The following TRMT9B variants were observed in gnomAD, a reference collection of about 807,000 sequenced individuals.
The protein encoded by TRMT9B is probable tRNA methyltransferase 9B.
TRMT9B carries 16 observed loss-of-function variants against 11.5 expected under a neutral mutation model. The ratio of observed to expected loss-of-function variants is 1.39; its 90% confidence interval spans 0.94 to 2.11. TRMT9B has a LOEUF of 2.11. TRMT9B is among the 30% of genes most tolerant of loss of function. TRMT9B has a pLI of 0.00. For missense variants in TRMT9B, 941 were observed against 553.8 expected (o/e 1.70, Z -7.02); for synonymous variants, 274 against 192.4 (o/e 1.42, Z -3.51).
intron 2 of TRMT9B, among the ~76,000 whole-genome samples, chr8:12,999,064 G>A (rs1172017824): frequency 6.6e-6 from 1 of 152,060 alleles, no homozygotes; most frequent in South Asian, 2.1e-4. Context: ...ACTTTGGTAG[G>A]CCAAGGCAGG....
Position 13,026,046 on chromosome 8 carries a change from A to G in TRMT9B, c.*4002A>G, listed in dbSNP as rs1814648560. The G allele has an allele frequency of 6.0e-6, 1 of 167,070 alleles. No homozygotes were observed. 10.3% of individuals were successfully genotyped at this position (167,070 alleles called of 1,614,324 possible). A position where few individuals can be genotyped will look rare whatever the true frequency, so the allele number is the denominator to read the frequency against. On this transcript the variant is annotated 3_prime_UTR_variant, in exon 5 of 5. Coordinates refer to ENST00000524591, the MANE Select transcript of TRMT9B (RefSeq NM_020844.3). ...ATATACGAGTTTGGAGGAGAACAGAAGTTCTAACTCAGTACTTGAACTTGG... is the reference window on the plus strand; with the variant it reads ...ATATACGAGTTTGGAGGAGAACAGAGGTTCTAACTCAGTACTTGAACTTGG...
At chr8:13,007,734 G>C (rs538833725) in intron 3 of TRMT9B, 12 of 152,284 alleles carry the variant, frequency 7.9e-5, no homozygotes, top group Non-Finnish European at 1.0e-4. Flanking sequence ...CTTAAAATCA[G>C]TGGGGGAAAG....
chr8:12,986,808 C>A (rs1465943001), intron 1 of TRMT9B, among the ~76,000 whole-genome samples: 1 of 152,182 alleles, frequency 6.6e-6, no homozygotes, highest in Non-Finnish European at 1.5e-5. Flanking sequence ...GGTTCTTTCT[C>A]CTTAATATCC....
chr8:12,956,679 G>A (rs976237570), intron 1 of TRMT9B, among the ~76,000 whole-genome samples: 1 of 152,198 alleles, frequency 6.6e-6, no homozygotes, highest in African/African-American at 2.4e-5. Context: ...TTCATTAGAT[G>A]AATTATCTGT....
chr8:13,009,449 G>T (rs544722097), intron 3 of TRMT9B, among the ~76,000 whole-genome samples: 101 of 152,216 alleles, frequency 6.6e-4, no homozygotes, highest in Non-Finnish European at 1.1e-3. Context: ...GATACGGTTC[G>T]GCAACAAAGT....
intron 1 of TRMT9B, among the ~76,000 whole-genome samples, chr8:12,957,290 T>C (rs1016456499): frequency 6.6e-6 from 1 of 152,180 alleles, no homozygotes. Context: ...ACAGAGCTAG[T>C]GAAGTAGGTG....
rs538225514 is a variant in TRMT9B, at chr8:12,988,998, T to A, written c.-199-1836T>A. 2.0e-5 allele frequency among the ~76,000 whole-genome samples: 3 copies of A among 152,270 alleles called. No individual in the cohort carries two copies. The South Asian group carries it at 6.2e-4, about 32-fold the overall frequency. ...TGGGGTGAGAGCTCTTTTATCTGTA[T>A]CCCTAGTGCCTTACATCTGCCAGAG... On this transcript the variant is annotated intron_variant, in intron 1 of 4. Transcript: ENST00000524591.
intron 1 of TRMT9B, among the ~76,000 whole-genome samples, chr8:12,973,475 A>C (rs1803944219): frequency 6.6e-6 from 1 of 152,230 alleles, no homozygotes; most frequent in African/African-American, 2.4e-5. Context: ...TGGTAGAAGC[A>C]ATCTATGGCA....
intron 4 of TRMT9B, among the ~76,000 whole-genome samples, chr8:13,017,526 TA>T (rs1256320581): frequency 6.6e-6 from 1 of 152,198 alleles, no homozygotes; most frequent in African/African-American, 2.4e-5. Flanking sequence ...CTTCCCATTT[TA>T]GATACATTTA....
At position 12,945,956 on chromosome 8, in the gene TRMT9B, C is replaced by A. The variant is rs938218477; in HGVS notation, c.-210C>A. 1.3e-5 allele frequency: 2 copies of A among 152,158 alleles called. No homozygotes were observed. Among genetic ancestry groups the A allele is most frequent in the African/African-American group, 2.4e-5 (1 of 41,448 alleles). The allele number at this position is 152,158 out of a possible 1,614,324, so 9.4% of individuals were successfully genotyped here. A position where few individuals can be genotyped will look rare whatever the true frequency, so the allele number is the denominator to read the frequency against. On this transcript the variant is annotated 5_prime_UTR_variant, in exon 1 of 5. Coordinates refer to ENST00000524591, the MANE Select transcript of TRMT9B (RefSeq NM_020844.3). ...TGAGCTCTCCTAGCAACTCTGCAGT[C>A]TTCCTTCAAGGTATGTGTTGCAATT...
At chr8:12,989,074 A>G (rs1158217638) in intron 1 of TRMT9B, among the ~76,000 whole-genome samples, 2 of 151,658 alleles carry the variant, frequency 1.3e-5, no homozygotes, top group Admixed American at 6.6e-5. Context: ...AATTTAATAC[A>G]GAAATTTTTT....
At chr8:12,999,161 T>G (rs1808906857) in intron 2 of TRMT9B, among the ~76,000 whole-genome samples, 1 of 151,924 alleles carries the variant, frequency 6.6e-6, no homozygotes, top group African/African-American at 2.4e-5. Context: ...TAGCCAGGCA[T>G]GGTGGTACGT....
intron 1 of TRMT9B, among the ~76,000 whole-genome samples, chr8:12,959,118 G>A (rs575350647): frequency 1.3e-5 from 2 of 152,162 alleles, no homozygotes; most frequent in South Asian, 2.1e-4. Flanking sequence ...AATTCTTCAC[G>A]TGACCAAGAA....
chr8:13,008,768 G>C (rs371884888), intron 3 of TRMT9B, among the ~76,000 whole-genome samples: 6 of 152,104 alleles, frequency 3.9e-5, no homozygotes, highest in African/African-American at 1.2e-4. Flanking sequence ...TTGCTCTGTT[G>C]CCCAGGCTGG....
intron 3 of TRMT9B, among the ~76,000 whole-genome samples, chr8:13,009,963 C>CA (rs1001814106): frequency 2.6e-5 from 4 of 151,880 alleles, no homozygotes; most frequent in African/African-American, 4.8e-5. Context: ...CCCATCTCTA[C>CA]AAAAAATACA....
rs1800232388 is a variant in TRMT9B, at chr8:12,945,686, T to A, written c.-480T>A. ...GGTGTGTGTTTTATTCAGTATTGTG[T>A]AGTACAGAAAAGATCACACATGTAT... On this transcript the variant is annotated 5_prime_UTR_variant, in exon 1 of 5. Coordinates refer to ENST00000524591, the MANE Select transcript of TRMT9B (RefSeq NM_020844.3). The A allele has an allele frequency of 6.6e-6, 1 of 152,250 alleles. No homozygotes were observed. The highest frequency in any genetic ancestry group is 2.4e-5 in the African/African-American group (1 of 41,472). The allele number at this position is 152,250 out of a possible 1,614,324, so 9.4% of individuals were successfully genotyped here.
chr8:12,958,949 CG>C (rs983825870), intron 1 of TRMT9B, among the ~76,000 whole-genome samples: 5 of 151,838 alleles, frequency 3.3e-5, no homozygotes, highest in African/African-American at 1.2e-4. Flanking sequence ...TGTCAGGGGT[CG>C]GGGGCTGTGG....
intron 1 of TRMT9B, among the ~76,000 whole-genome samples, chr8:12,976,209 G>T (rs1374933129): frequency 6.6e-6 from 1 of 152,096 alleles, no homozygotes; most frequent in Non-Finnish European, 1.5e-5. Context: ...TCTCCTTTGG[G>T]AGGTCTATGT....
intron 3 of TRMT9B, chr8:13,011,783 A>C: frequency 1.3e-5 from 12 of 953,754 alleles, no homozygotes; most frequent in Non-Finnish European, 1.5e-5. Flanking sequence ...TGAGTTGTAT[A>C]CTGGACCCAT....
Sources: gnomAD v4.1 joint callset for allele counts (sites outside exome capture counted in the v4.1 genomes callset) on GRCh38, gnomAD v4.1.1 for gene constraint, MANE v1.5 for transcripts, NCBI Gene and HGNC (gene_info 2026-07-23, HGNC 2026-07-21) for gene names.